The following UBE3D variants were observed in gnomAD, a reference collection of about 807,000 sequenced individuals.
UBE3D encodes the protein E3 ubiquitin-protein ligase E3D.
A neutral mutation model predicts 49.6 loss-of-function variants in UBE3D; 48 were observed. That is an observed-to-expected ratio of 0.97 (90% CI 0.77 to 1.23). The LOEUF (loss-of-function observed/expected upper bound fraction) is 1.23. Ranked by LOEUF, UBE3D falls within the 50% of genes most tolerant of loss-of-function variation. The pLI, the probability that UBE3D is intolerant of heterozygous loss-of-function variation, is 0.00. For synonymous variants in UBE3D, 189 were observed against 174.2 expected (o/e 1.08, Z -0.67); for missense variants, 452 against 468.4 (o/e 0.96, Z 0.32).
intron 9 of UBE3D, among the ~76,000 whole-genome samples, chr6:82,928,756 AT>A (rs1180448826): frequency 2.6e-5 from 4 of 152,164 alleles, no homozygotes; most frequent in Non-Finnish European, 5.9e-5. Context: ...AAAATGCTGG[AT>A]AAAGATATCC....
At chr6:83,033,425 A>C (rs1782020971) in intron 5 of UBE3D, among the ~76,000 whole-genome samples, 2 of 152,100 alleles carry the variant, frequency 1.3e-5, no homozygotes, top group Non-Finnish European at 2.9e-5. Context: ...CCCCACCCAA[A>C]TCTCCTGCTG....
intron 8 of UBE3D, among the ~76,000 whole-genome samples, chr6:82,966,571 A>G (rs1299187622): frequency 2.6e-5 from 3 of 113,704 alleles, no homozygotes; most frequent in South Asian, 6.3e-4. Context: ...AATGGCGTGA[A>G]CCCGGGAGGC....
intron 8 of UBE3D, among the ~76,000 whole-genome samples, chr6:82,982,103 T>C (rs1174911276): frequency 1.3e-5 from 2 of 152,138 alleles, no homozygotes; most frequent in Non-Finnish European, 2.9e-5. Context: ...AAAGTATAAA[T>C]CACAGAGTAA....
intron 8 of UBE3D, among the ~76,000 whole-genome samples, chr6:82,995,736 GC>G (rs1174844079): frequency 6.6e-6 from 1 of 152,102 alleles, no homozygotes; most frequent in Non-Finnish European, 1.5e-5. Flanking sequence ...AACTAGAAAA[GC>G]CCATAGGAGA....
At chr6:83,045,228 C>T (rs1782950872) in intron 3 of UBE3D, among the ~76,000 whole-genome samples, 2 of 151,816 alleles carry the variant, frequency 1.3e-5, no homozygotes, top group East Asian at 3.8e-4. Flanking sequence ...TAAAACCCAA[C>T]ACCTATTTGG....
At chr6:82,950,013 TG>T (rs1775671315) in intron 9 of UBE3D, among the ~76,000 whole-genome samples, 1 of 152,004 alleles carries the variant, frequency 6.6e-6, no homozygotes, top group Non-Finnish European at 1.5e-5. Flanking sequence ...ATGGGACAAA[TG>T]AGATCACATC....
At chr6:83,016,342 C>T (rs933642312) in intron 8 of UBE3D, among the ~76,000 whole-genome samples, 3 of 152,102 alleles carry the variant, frequency 2.0e-5, no homozygotes, top group Admixed American at 6.6e-5. Flanking sequence ...CTCTCATGAG[C>T]GGTGAATCAG....
rs188809378 is a variant in UBE3D at position 82,897,319 on chromosome 6, G to A, written c.1150-4277C>T. Among the ~76,000 whole-genome samples, 399 of 152,148 alleles carry A rather than the reference G, an allele frequency of 2.6e-3. 2 individuals carry two copies. The highest frequency in any genetic ancestry group is 4.8e-3 in the Non-Finnish European group (328 of 67,992). ...AAAATCCAGTTTCTTGGCCAGGCGC[G>A]GTGGCTCACACCTGTAATCCCAGCA... On this transcript the variant is annotated intron_variant, in intron 9 of 9. Transcript: ENST00000369747.
chr6:83,052,652 T>C (rs1332197075), intron 3 of UBE3D, among the ~76,000 whole-genome samples: 2 of 152,086 alleles, frequency 1.3e-5, no homozygotes, highest in Non-Finnish European at 2.9e-5. Flanking sequence ...GGCATGTTTT[T>C]TTGGGGGAGG....
chr6:82,926,477 A>G (rs573715293), intron 9 of UBE3D, among the ~76,000 whole-genome samples: 1 of 152,066 alleles, frequency 6.6e-6, no homozygotes, highest in Non-Finnish European at 1.5e-5. Flanking sequence ...GGTATTGATG[A>G]TATGGTAAGA....
intron 9 of UBE3D, among the ~76,000 whole-genome samples, chr6:82,947,780 A>T (rs1402109420): frequency 6.6e-6 from 1 of 152,108 alleles, no homozygotes; most frequent in Non-Finnish European, 1.5e-5. Context: ...TGGGTCAATG[A>T]AGTCATTAAA....
At chr6:83,008,738 C>T (rs1194496330) in intron 8 of UBE3D, among the ~76,000 whole-genome samples, 2 of 152,112 alleles carry the variant, frequency 1.3e-5, no homozygotes, top group African/African-American at 4.8e-5. Context: ...CCCCATGTGC[C>T]AAAAATATGC....
At chr6:83,020,260 T>C (rs985034738) in intron 7 of UBE3D, among the ~76,000 whole-genome samples, 3 of 151,928 alleles carry the variant, frequency 2.0e-5, no homozygotes, top group African/African-American at 7.3e-5. Context: ...GCCAGACCTA[T>C]ATTTAAACTA....
At chr6:82,935,922 C>T (rs1348257358) in intron 9 of UBE3D, among the ~76,000 whole-genome samples, 2 of 145,760 alleles carry the variant, frequency 1.4e-5, no homozygotes, top group Non-Finnish European at 3.0e-5. Flanking sequence ...AAGTGAGATG[C>T]AAGAAAAAAA....
chr6:82,928,980 A>G (rs558043978), intron 9 of UBE3D, among the ~76,000 whole-genome samples: 1 of 152,322 alleles, frequency 6.6e-6, no homozygotes, highest in African/African-American at 2.4e-5. Flanking sequence ...TTCAAACATA[A>G]TTATTTCAAA....
intron 9 of UBE3D, among the ~76,000 whole-genome samples, chr6:82,907,088 G>T (rs373841315): frequency 6.6e-6 from 1 of 152,170 alleles, no homozygotes; most frequent in East Asian, 1.9e-4. Flanking sequence ...GGAGGGAGGA[G>T]TGAGAAATAA....
At position 82,905,253 on chromosome 6, in the gene UBE3D, T is replaced by C. The variant is rs550435199; in HGVS notation, c.1150-12211A>G. ...CATTAAGCAAGTCTACTGGCCCCCA[T>C]TTTTCCAACAACATGTGCTCACTTC... is the stretch of plus-strand genomic sequence containing the variant. On this transcript the variant is annotated intron_variant, in intron 9 of 9. Coordinates refer to ENST00000369747, the MANE Select transcript of UBE3D (RefSeq NM_198920.3). Among the ~76,000 whole-genome samples the C allele has an allele frequency of 2.0e-4, 31 of 152,288 alleles. 1 individual carries two copies. In the South Asian group the frequency reaches 6.2e-3, roughly 31 times the overall value.
At chr6:82,929,042 GA>G (rs1323801484) in intron 9 of UBE3D, among the ~76,000 whole-genome samples, 1 of 152,140 alleles carries the variant, frequency 6.6e-6, no homozygotes, top group African/African-American at 2.4e-5. Context: ...TGGCTACTAT[GA>G]TTCTTGCTTG....
intron 8 of UBE3D, among the ~76,000 whole-genome samples, chr6:82,987,170 TTTTC>T (rs1302792352): frequency 6.6e-6 from 1 of 152,072 alleles, no homozygotes; most frequent in Admixed American, 6.6e-5. Flanking sequence ...TCTTGCTATG[TTTTC>T]TTTCTTTTTT....
Sources: allele counts gnomAD v4.1 joint callset (sites outside exome capture counted in the v4.1 genomes callset), GRCh38; gene constraint gnomAD v4.1.1; transcripts MANE v1.5; gene names NCBI Gene and HGNC (gene_info 2026-07-23, HGNC 2026-07-21).